Variants in MITF observed in about 807,000 individuals in gnomAD.
The protein encoded by MITF is microphthalmia-associated transcription factor.
Under a neutral mutation model 60.5 loss-of-function variants are expected in MITF, and 17 were observed. That is an observed-to-expected ratio of 0.28 (90% CI 0.19 to 0.42). The LOEUF is 0.42. MITF is among the 10% of genes least tolerant of loss of function. The pLI, the probability that MITF is intolerant of heterozygous loss-of-function variation, is 1.00. For synonymous variants in MITF, 260 were observed against 248.5 expected (o/e 1.05, Z -0.43); for missense variants, 622 against 683.5 (o/e 0.91, Z 1.00).
chr3:69,788,802 C>T lies in MITF; in HGVS notation c.104+49101C>T, dbSNP rs191489567. On this transcript the variant is annotated intron_variant, in intron 1 of 9. Coordinates refer to ENST00000352241, the MANE Select transcript of MITF (RefSeq NM_001354604.2). ...GCTCAGAAGTGAACCCTTGCATATA[C>T]GGTCAAATGATCTTTGACAAGGGTG... Among the ~76,000 whole-genome samples the T allele has an allele frequency of 1.7e-3, 252 of 152,224 alleles. 4 individuals are homozygous for T. The highest frequency in any genetic ancestry group is 5.5e-3 in the African/African-American group (230 of 41,538).
At chr3:69,768,520 C>T (rs1186829653) in intron 1 of MITF, among the ~76,000 whole-genome samples, 2 of 152,126 alleles carry the variant, frequency 1.3e-5, no homozygotes, top group African/African-American at 2.4e-5. Context: ...CTGTTGAGTT[C>T]CTGATCCAAG....
At chr3:69,801,684 G>A (rs942121271) in intron 1 of MITF, among the ~76,000 whole-genome samples, 3 of 152,184 alleles carry the variant, frequency 2.0e-5, no homozygotes, top group African/African-American at 7.2e-5. Flanking sequence ...ATACCAAACT[G>A]TGATTATTCT....
chr3:69,869,682 C>T (rs2064186560), intron 1 of MITF, among the ~76,000 whole-genome samples: 1 of 152,158 alleles, frequency 6.6e-6, no homozygotes, highest in Non-Finnish European at 1.5e-5. Flanking sequence ...AGAAGGACTA[C>T]TCACTCCTGC....
At chr3:69,894,662 A>C (rs111258018) in intron 2 of MITF, among the ~76,000 whole-genome samples, 1 of 150,068 alleles carries the variant, frequency 6.7e-6, no homozygotes, top group Non-Finnish European at 1.5e-5. Flanking sequence ...CCCCAGCCTG[A>C]GCAACAAGAG....
intron 1 of MITF, among the ~76,000 whole-genome samples, chr3:69,742,162 A>G (rs1389267854): frequency 1.3e-5 from 2 of 152,048 alleles, no homozygotes; most frequent in African/African-American, 4.8e-5. Flanking sequence ...TATAGTAGCC[A>G]CAATGTTCCT....
rs777844672 is a variant in MITF, at chr3:69,879,368, G to A, written c.339G>A (p.Pro113=). ...CCCTTCCCTCTGCCACGCAGGTGCCGATGGAAGTCCTTAAGGTACGTGAGT... is the reference window on the plus strand; with the variant it reads ...CCCTTCCCTCTGCCACGCAGGTGCCAATGGAAGTCCTTAAGGTACGTGAGT... ...PTTLPSATQV[P]MEVLKVQTHL... is the part of the protein sequence containing the mutation. The change falls in exon 2 of 10, where the codon CCG becomes CCA. Residue 113 remains proline, a synonymous_variant. Transcript: ENST00000352241. 1.8e-5 allele frequency: 29 copies of A among 1,614,044 alleles called. No homozygotes were observed. The East Asian group carries it at 4.5e-4, about 25-fold the overall frequency.
chr3:69,877,215 G>A (rs1468670953), intron 1 of MITF, among the ~76,000 whole-genome samples: 3 of 151,846 alleles, frequency 2.0e-5, no homozygotes, highest in Non-Finnish European at 4.4e-5. Context: ...TCATAGTATG[G>A]GACAAATTTT....
At chr3:69,963,090 T>C (rs1436395592) in intron 9 of MITF, among the ~76,000 whole-genome samples, 1 of 152,284 alleles carries the variant, frequency 6.6e-6, no homozygotes, top group East Asian at 1.9e-4. Context: ...AAATCTCTTT[T>C]TAAATTAATT....
chr3:69,917,138 C>T (rs987502221), intron 2 of MITF, among the ~76,000 whole-genome samples: 2 of 152,052 alleles, frequency 1.3e-5, no homozygotes, highest in South Asian at 2.1e-4. Context: ...AGGCTTAAAT[C>T]GAGCAGGTGA....
intron 2 of MITF, among the ~76,000 whole-genome samples, chr3:69,920,130 T>G (rs1434411427): frequency 1.3e-5 from 2 of 152,138 alleles, no homozygotes; most frequent in Non-Finnish European, 2.9e-5. Flanking sequence ...TAGTGAGGTG[T>G]GACCAGAAGA....
chr3:69,956,411 A>G (rs900886194), intron 7 of MITF, 44 bp from the exon 8 acceptor site: 54 of 1,468,210 alleles, frequency 3.7e-5, no homozygotes, highest in Non-Finnish European at 5.0e-5. Flanking sequence ...AAATGCATAC[A>G]TGGCACTGTT....
intron 2 of MITF, among the ~76,000 whole-genome samples, chr3:69,880,456 C>T (rs920762847): frequency 1.3e-5 from 2 of 152,064 alleles, no homozygotes; most frequent in Admixed American, 6.5e-5. Flanking sequence ...TAATGGAACT[C>T]GGATGAAGAA....
intron 2 of MITF, among the ~76,000 whole-genome samples, chr3:69,902,232 G>C (rs2065009309): frequency 1.3e-5 from 2 of 151,610 alleles, no homozygotes. Flanking sequence ...TTTTTTTCCA[G>C]TAATGAATAA....
chr3:69,881,703 TA>T (rs1367458612), intron 2 of MITF, among the ~76,000 whole-genome samples: 1 of 152,036 alleles, frequency 6.6e-6, no homozygotes, highest in African/African-American at 2.4e-5. Context: ...AGTAAGTGGT[TA>T]ATAGCAAAAC....
At chr3:69,894,149 T>G (rs193049549) in intron 2 of MITF, among the ~76,000 whole-genome samples, 37 of 152,336 alleles carry the variant, frequency 2.4e-4, no homozygotes, top group Admixed American at 7.2e-4. Context: ...TTTGAAAGCC[T>G]TATTATTTTG....
Position 69,753,235 on chromosome 3 carries a change from G to A in MITF, c.104+13534G>A, listed in dbSNP as rs552811841. On this transcript the variant is annotated intron_variant, in intron 1 of 9. Transcript: ENST00000352241. ...CTGCTTCAGAGGGTGCAAGCTGTAA[G>A]CCTTGGTGGCTTCCATGTGGTGTTA... Among the ~76,000 whole-genome samples, 274 of 152,350 alleles carry A rather than the reference G, an allele frequency of 1.8e-3. 1 individual carries two copies. The highest frequency in any genetic ancestry group is 6.4e-3 in the African/African-American group (266 of 41,588).
At chr3:69,939,892 C>G (rs1048413150) in intron 4 of MITF, among the ~76,000 whole-genome samples, 1 of 152,202 alleles carries the variant, frequency 6.6e-6, no homozygotes, top group Admixed American at 6.5e-5. Context: ...CATAAGTTTC[C>G]TAGCCTATTT....
At chr3:69,749,734 G>C (rs1406732554) in intron 1 of MITF, among the ~76,000 whole-genome samples, 2 of 152,236 alleles carry the variant, frequency 1.3e-5, no homozygotes, top group Non-Finnish European at 2.9e-5. Context: ...CATGCTTGGA[G>C]GATAACTTGT....
At chr3:69,873,980 A>C (rs1199074709) in intron 1 of MITF, among the ~76,000 whole-genome samples, 1 of 152,148 alleles carries the variant, frequency 6.6e-6, no homozygotes, top group African/African-American at 2.4e-5. Context: ...AGCCTTTTGC[A>C]TTTTGAAACC....
Sources: gnomAD v4.1 joint callset for allele counts (sites outside exome capture counted in the v4.1 genomes callset) on GRCh38, gnomAD v4.1.1 for gene constraint, MANE v1.5 for transcripts, NCBI Gene and HGNC (gene_info 2026-07-23, HGNC 2026-07-21) for gene names.